Variants in ELAPOR2 observed in about 807,000 individuals in gnomAD.
The protein encoded by ELAPOR2 is endosome/lysosome-associated apoptosis and autophagy regulator family member 2.
Under a neutral mutation model 120.7 loss-of-function variants are expected in ELAPOR2, and 89 were observed. That is an observed-to-expected ratio of 0.74 (90% CI 0.62 to 0.88). The LOEUF (loss-of-function observed/expected upper bound fraction) is 0.88, where lower values mean the gene tolerates loss of function less well. ELAPOR2 is among the 40% of genes least tolerant of loss of function. ELAPOR2 has a pLI of 0.00. For synonymous variants in ELAPOR2, 444 were observed against 444.9 expected, an observed-to-expected ratio of 1.00 and a Z score of 0.03; for missense variants, 1,134 against 1,251.6, an observed-to-expected ratio of 0.91 and a Z score of 1.42.
intron 1 of ELAPOR2, among the ~76,000 whole-genome samples, chr7:86,993,242 A>AAAAAAAAAAG (rs1793008514): frequency 6.7e-6 from 1 of 149,944 alleles, no homozygotes. Context: ...CTCAAAAAAA[A>AAAAAAAAAAG]AAAAAAAAGA....
intron 2 of ELAPOR2, among the ~76,000 whole-genome samples, chr7:86,958,776 T>C (rs1241354982): frequency 1.3e-5 from 2 of 152,218 alleles, no homozygotes; most frequent in Non-Finnish European, 2.9e-5. Flanking sequence ...GTGTGATGCT[T>C]CCAGCTTTGT....
chr7:87,037,611 G>A (rs767896682), intron 1 of ELAPOR2, among the ~76,000 whole-genome samples: 36 of 151,966 alleles, frequency 2.4e-4, no homozygotes, highest in African/African-American at 7.0e-4. Flanking sequence ...ATCTTCCTGC[G>A]TCCAATGTGA....
At chr7:86,948,262 C>A (rs534356465) in intron 2 of ELAPOR2, among the ~76,000 whole-genome samples, 1 of 152,200 alleles carries the variant, frequency 6.6e-6, no homozygotes, top group Non-Finnish European at 1.5e-5. Flanking sequence ...ACTCAAAAAC[C>A]ACTCACTTCA....
intron 1 of ELAPOR2, among the ~76,000 whole-genome samples, chr7:87,029,960 C>T (rs111303085): frequency 0.024 from 3,685 of 152,020 alleles, 167 homozygotes; most frequent in African/African-American, 0.085. Flanking sequence ...TTAAAGACAC[C>T]ACTAATAATT....
chr7:86,982,801 C>T (rs1300046459), intron 1 of ELAPOR2, among the ~76,000 whole-genome samples: 3 of 152,162 alleles, frequency 2.0e-5, no homozygotes, highest in Non-Finnish European at 2.9e-5. Context: ...CACAGCTCCT[C>T]GCCAGCAACA....
chr7:86,895,866 A>G (rs1452132696), intron 19 of ELAPOR2, among the ~76,000 whole-genome samples: 1 of 152,156 alleles, frequency 6.6e-6, no homozygotes, highest in African/African-American at 2.4e-5. Flanking sequence ...TAAGATAAGC[A>G]GTTTATCAAA....
intron 1 of ELAPOR2, among the ~76,000 whole-genome samples, chr7:87,041,685 A>C (rs1794792842): frequency 6.6e-6 from 1 of 152,076 alleles, no homozygotes; most frequent in African/African-American, 2.4e-5. Flanking sequence ...CATCGAGACT[A>C]GGAAGAAACT....
chr7:86,891,686 A>C lies in ELAPOR2; in HGVS notation c.3030+38T>G, dbSNP rs370544755. The C allele has an allele frequency of 4.5e-6, 7 of 1,572,840 alleles. No homozygotes were observed. The Middle Eastern group carries it at 6.8e-4, about 153-fold the overall frequency. On this transcript the variant is annotated intron_variant, in intron 21 of 21. Coordinates refer to ENST00000450689, the MANE Select transcript of ELAPOR2 (RefSeq NM_001142749.3). ...TAGGTTAATATGCCCTCTACTTTAT[A>C]AACACCCAGTAACACCAGGTTAAAA...
intron 13 of ELAPOR2, 40 bp from the exon 14 acceptor site, chr7:86,913,244 G>A (rs760549611): frequency 5.0e-6 from 8 of 1,595,046 alleles, no homozygotes; most frequent in Non-Finnish European, 6.9e-6. Flanking sequence ...CTGCCTTGGG[G>A]CTTAGTTGTA....
rs902528026 is a variant in ELAPOR2 at position 86,967,281 on chromosome 7, G to A, written c.190-2257C>T. On this transcript the variant is annotated intron_variant, in intron 1 of 21. Transcript: ENST00000450689. ...TTGAGACCAGCCTGGTCAACATGGC[G>A]AAACCCTGTCTCTACTAAAAGTACA... is the stretch of plus-strand genomic sequence containing the variant. Among the ~76,000 whole-genome samples, 3 of 152,140 alleles carry A rather than the reference G, an allele frequency of 2.0e-5. No homozygotes were observed. The East Asian group carries it at 5.8e-4, about 29-fold the overall frequency.
At chr7:86,953,976 T>A (rs1791371638) in intron 2 of ELAPOR2, among the ~76,000 whole-genome samples, 1 of 152,232 alleles carries the variant, frequency 6.6e-6, no homozygotes, top group Non-Finnish European at 1.5e-5. Flanking sequence ...ATGCCTCTTC[T>A]TTTCTGACAT....
chr7:87,041,665 A>T (rs112083609), intron 1 of ELAPOR2, among the ~76,000 whole-genome samples: 2 of 152,118 alleles, frequency 1.3e-5, no homozygotes, highest in Non-Finnish European at 2.9e-5. Flanking sequence ...TCATGCCAAA[A>T]TGTAAAGACC....
chr7:86,983,246 A>T (rs1463785929), intron 1 of ELAPOR2, among the ~76,000 whole-genome samples: 1 of 152,252 alleles, frequency 6.6e-6, no homozygotes, highest in Non-Finnish European at 1.5e-5. Context: ...GAATGGAACC[A>T]AGTTGGAAAA....
chr7:87,039,973 A>C (rs942429110), intron 1 of ELAPOR2, among the ~76,000 whole-genome samples: 2 of 152,348 alleles, frequency 1.3e-5, no homozygotes, highest in East Asian at 1.9e-4. Flanking sequence ...GCAAGGGGTC[A>C]GGGAGTTCCC....
chr7:86,992,449 T>A (rs1193191879), intron 1 of ELAPOR2, among the ~76,000 whole-genome samples: 1 of 152,146 alleles, frequency 6.6e-6, no homozygotes, highest in African/African-American at 2.4e-5. Flanking sequence ...AAATAGCTCC[T>A]AATAAATTTC....
chr7:86,905,891 G>A (rs1180782016), intron 18 of ELAPOR2, among the ~76,000 whole-genome samples: 2 of 152,124 alleles, frequency 1.3e-5, no homozygotes, highest in Non-Finnish European at 2.9e-5. Context: ...GGAGAAACAA[G>A]TTTTCCTCTC....
At chr7:87,033,826 T>G (rs900926888) in intron 1 of ELAPOR2, among the ~76,000 whole-genome samples, 8 of 151,938 alleles carry the variant, frequency 5.3e-5, no homozygotes, top group African/African-American at 1.7e-4. Context: ...TGAATAAATG[T>G]GCATATATAT....
chr7:87,059,443 C>A lies in ELAPOR2; in HGVS notation c.71G>T (p.Gly24Val). ...GGCGGGGCTCCAGGGCGGCGAGCGC[C>A]CGCGGCGGGGAGCCTCCGCCGGCCG... ...WGRPAEAPRR[G>V]RSPPWSPAWI... Residue 24 changes from glycine (G) to valine (V), a missense_variant, in exon 1 of 22, where the codon GGG becomes GTG. Physicochemically the swap from Gly to Val is moderately radical, Grantham distance 109 (BLOSUM62 -3). Around this residue, in one of 3 missense-constraint regions of ELAPOR2, gnomAD observed 280 missense variants for 331.5 expected, o/e 0.84. Coordinates refer to ENST00000450689, the MANE Select transcript of ELAPOR2 (RefSeq NM_001142749.3). 8.1e-7 allele frequency: 1 copy of A among 1,230,122 alleles called. No individual in the cohort carries two copies. The highest frequency in any genetic ancestry group is 1.6e-5 in the African/African-American group (1 of 64,116). The allele number at this position is 1,230,122 out of a possible 1,614,324, so 76.2% of individuals were successfully genotyped here. A position where few individuals can be genotyped will look rare whatever the true frequency, so the allele number is the denominator to read the frequency against.
chr7:86,970,324 A>G (rs1241043548), intron 1 of ELAPOR2, among the ~76,000 whole-genome samples: 2 of 152,196 alleles, frequency 1.3e-5, no homozygotes, highest in Non-Finnish European at 2.9e-5. Flanking sequence ...AAGGACAAAA[A>G]GAAGTAAATG....
Sources: allele counts gnomAD v4.1 joint callset (sites outside exome capture counted in the v4.1 genomes callset), GRCh38; gene constraint gnomAD v4.1.1; regional missense constraint gnomAD v4.1.1; transcripts MANE v1.5; gene names NCBI Gene and HGNC (gene_info 2026-07-23, HGNC 2026-07-21).